SLC35F3: variants seen among roughly 807,000 people sequenced by gnomAD.
The protein encoded by SLC35F3 is putative thiamine transporter SLC35F3.
SLC35F3 carries 25 observed loss-of-function variants against 49.9 expected under a neutral mutation model. The observed-to-expected ratio is 0.50, with a 90% CI of 0.37 to 0.70. The LOEUF (loss-of-function observed/expected upper bound fraction) is 0.70. Among genes scored for constraint, SLC35F3 ranks in the 30% least tolerant of loss-of-function variants. SLC35F3 has a pLI of 0.00. For synonymous variants in SLC35F3, 275 were observed against 265.4 expected (o/e 1.04, Z -0.35); for missense variants, 525 against 639.8 (o/e 0.82, Z 1.94).
intron 2 of SLC35F3, among the ~76,000 whole-genome samples, chr1:234,001,157 TGGATG>T (rs1663547850): frequency 6.6e-6 from 1 of 152,180 alleles, no homozygotes; most frequent in Non-Finnish European, 1.5e-5. Flanking sequence ...TGGACCAAGA[TGGATG>T]GCAAGGCAAA....
intron 2 of SLC35F3, among the ~76,000 whole-genome samples, chr1:233,918,515 G>A (rs941251927): frequency 6.6e-6 from 1 of 152,120 alleles, no homozygotes; most frequent in African/African-American, 2.4e-5. Flanking sequence ...TTGTATGGGG[G>A]CCAGGCACTG....
rs921830581 is a variant in SLC35F3, at chr1:234,199,282, C to T, written c.284-32135C>T. ...AAAAGTCGTAATGGCACTGGCATGA[C>T]GACAGACACATCAACCAGTGGAACA... On this transcript the variant is annotated intron_variant, in intron 2 of 7. Coordinates refer to ENST00000366618, the MANE Select transcript of SLC35F3 (RefSeq NM_173508.4). Among the ~76,000 whole-genome samples the T allele has an allele frequency of 5.3e-5, 8 of 151,968 alleles. No homozygotes were observed. In the East Asian group the frequency reaches 5.8e-4, roughly 11 times the overall value.
chr1:234,038,490 G>A (rs1188680111), intron 2 of SLC35F3, among the ~76,000 whole-genome samples: 8 of 152,000 alleles, frequency 5.3e-5, no homozygotes, highest in Non-Finnish European at 1.0e-4. Context: ...GTAATGGGAT[G>A]GCTGGGTCAA....
rs765371968 is a variant in SLC35F3, at chr1:234,323,235, G to A, written c.1465G>A (p.Ala489Thr). ...GAACAGAAGAGCCCGCCCTTCCTTC[G>A]CCCGCTAACACCACTCCTCTAGAAC... The part of the protein sequence containing the change: ...SKNRRARPSF[A>T]R Residue 489 changes from alanine to threonine, a missense_variant, in exon 8 of 8, where the codon GCC (alanine) becomes ACC (threonine). Coordinates refer to ENST00000366618, the MANE Select transcript of SLC35F3 (RefSeq NM_173508.4). The surrounding 1 kb of genome is among the most constrained non-coding windows in gnomAD (Gnocchi z 4.5). The A allele has an allele frequency of 7.4e-6, 12 of 1,613,372 alleles. No homozygotes were observed. The South Asian group carries it at 1.1e-4, about 15-fold the overall frequency.
chr1:234,119,391 C>A (rs1665539987), intron 2 of SLC35F3, among the ~76,000 whole-genome samples: 1 of 151,038 alleles, frequency 6.6e-6, no homozygotes, highest in South Asian at 2.1e-4. Flanking sequence ...ACCAAATAAA[C>A]CATGAAAAAT....
chr1:234,263,034 C>T (rs1667929481), intron 3 of SLC35F3, among the ~76,000 whole-genome samples: 1 of 152,120 alleles, frequency 6.6e-6, no homozygotes, highest in African/African-American at 2.4e-5. Flanking sequence ...ATATGGGTAC[C>T]CTGCTGATGG....
intron 2 of SLC35F3, among the ~76,000 whole-genome samples, chr1:234,101,045 T>C (rs1665206533): frequency 6.6e-6 from 1 of 152,022 alleles, no homozygotes; most frequent in Non-Finnish European, 1.5e-5. Flanking sequence ...TCCTACCAGA[T>C]GGCCTCCTCC....
chr1:234,238,234 G>T (rs1433051532), intron 3 of SLC35F3, among the ~76,000 whole-genome samples: 3 of 152,302 alleles, frequency 2.0e-5, no homozygotes, highest in Middle Eastern at 3.4e-3. Context: ...AGGAGATTTT[G>T]CTAGCCTAAG....
At chr1:233,970,304 C>G (rs918608098) in intron 2 of SLC35F3, among the ~76,000 whole-genome samples, 1 of 152,154 alleles carries the variant, frequency 6.6e-6, no homozygotes, top group Non-Finnish European at 1.5e-5. Flanking sequence ...GAAGCCACCC[C>G]CTTCAAGGGT....
intron 3 of SLC35F3, among the ~76,000 whole-genome samples, chr1:234,299,818 A>AT (rs1668664931): frequency 6.6e-6 from 1 of 151,098 alleles, no homozygotes; most frequent in African/African-American, 2.4e-5. Flanking sequence ...AAAAAAAAAA[A>AT]AAAAAAGAGA....
chr1:234,200,980 T>C (rs1247637141), intron 2 of SLC35F3, among the ~76,000 whole-genome samples: 1 of 152,236 alleles, frequency 6.6e-6, no homozygotes, highest in African/African-American at 2.4e-5. Flanking sequence ...TACAAGATGA[T>C]TTCCAAAACC....
At chr1:234,042,416 G>A (rs539557953) in intron 2 of SLC35F3, among the ~76,000 whole-genome samples, 23 of 152,148 alleles carry the variant, frequency 1.5e-4, no homozygotes, top group African/African-American at 5.1e-4. Flanking sequence ...CTATGATCAT[G>A]GTCTTTAGGA....
intron 2 of SLC35F3, among the ~76,000 whole-genome samples, chr1:234,088,469 A>G (rs1457498739): frequency 1.3e-5 from 2 of 151,910 alleles, no homozygotes; most frequent in Non-Finnish European, 2.9e-5. Context: ...CGGCCTCCCA[A>G]AGTGCTGGGA....
chr1:234,287,443 AG>A (rs993592601), intron 3 of SLC35F3, among the ~76,000 whole-genome samples: 7 of 152,216 alleles, frequency 4.6e-5, no homozygotes, highest in Non-Finnish European at 1.0e-4. Context: ...CTACTAGGAC[AG>A]GTTGACTATT....
At chr1:234,131,766 T>C (rs1283737822) in intron 2 of SLC35F3, among the ~76,000 whole-genome samples, 1 of 152,192 alleles carries the variant, frequency 6.6e-6, no homozygotes, top group Admixed American at 6.5e-5. Context: ...GAGTAGCTTT[T>C]AATAGACCCA....
chr1:233,950,457 T>TCTCC (rs1553290407), intron 2 of SLC35F3, among the ~76,000 whole-genome samples: 1 of 127,256 alleles, frequency 7.9e-6, no homozygotes, highest in African/African-American at 2.9e-5. Flanking sequence ...TCCTTCCTTC[T>TCTCC]TTCCTTCCTT....
At chr1:234,096,942 T>A (rs1665134432) in intron 2 of SLC35F3, among the ~76,000 whole-genome samples, 1 of 148,722 alleles carries the variant, frequency 6.7e-6, no homozygotes, top group Admixed American at 6.9e-5. Flanking sequence ...CAGGCTGGAG[T>A]GCAATGGTGT....
chr1:234,297,787 A>G (rs613512), intron 3 of SLC35F3, among the ~76,000 whole-genome samples: 77 of 152,016 alleles, frequency 5.1e-4, no homozygotes, highest in Non-Finnish European at 8.8e-4. Flanking sequence ...AGCAAGGAGT[A>G]TAATGGTGGT....
intron 2 of SLC35F3, among the ~76,000 whole-genome samples, chr1:234,221,513 G>C (rs1447883412): frequency 1.3e-5 from 2 of 152,192 alleles, no homozygotes; most frequent in African/African-American, 4.8e-5. Context: ...GAGCTGTGCT[G>C]GTGACTTTGA....
Sources: allele counts gnomAD v4.1 joint callset (sites outside exome capture counted in the v4.1 genomes callset), GRCh38; gene constraint gnomAD v4.1.1; non-coding constraint Gnocchi (gnomAD v3.1); transcripts MANE v1.5; gene names NCBI Gene and HGNC (gene_info 2026-07-23, HGNC 2026-07-21).